The following WWOX variants were observed in gnomAD, a reference collection of about 807,000 sequenced individuals.
WWOX encodes the protein WW domain containing oxidoreductase, also known as WW domain-containing oxidoreductase.
In WWOX, 69 loss-of-function variants were observed where a neutral mutation model predicts 46.2. The observed-to-expected ratio is 1.49, with a 90% CI of 1.23 to 1.82. The LOEUF is 1.82. WWOX is among the 40% of genes most tolerant of loss of function. The pLI is 0.00. For missense variants in WWOX, 919 were observed against 542.6 expected, an observed-to-expected ratio of 1.69 and a Z score of -6.89; for synonymous variants, 359 against 202.6, an observed-to-expected ratio of 1.77 and a Z score of -6.56.
chr16:78,832,265 T>A (rs1031863608), intron 8 of WWOX, among the ~76,000 whole-genome samples: 2 of 152,130 alleles, frequency 1.3e-5, no homozygotes, highest in African/African-American at 2.4e-5. Flanking sequence ...GGCCTCTCTG[T>A]ACAGCTTCAG....
At chr16:78,963,081 A>C (rs1297454804) in intron 8 of WWOX, among the ~76,000 whole-genome samples, 1 of 152,150 alleles carries the variant, frequency 6.6e-6, no homozygotes, top group Admixed American at 6.5e-5. Context: ...GATATGCACC[A>C]CCTAGATTCT....
chr16:78,486,779 G>A (rs139431746), intron 8 of WWOX, among the ~76,000 whole-genome samples: 6 of 152,082 alleles, frequency 3.9e-5, no homozygotes, highest in African/African-American at 9.7e-5. Context: ...TTACTGTCTT[G>A]GCCAGGCTGG....
intron 8 of WWOX, among the ~76,000 whole-genome samples, chr16:79,127,580 A>G (rs1310657221): frequency 6.6e-6 from 1 of 152,220 alleles, no homozygotes; most frequent in Non-Finnish European, 1.5e-5. Context: ...GTAACCTTGC[A>G]CCGACATCGC....
At position 78,229,515 on chromosome 16, in the gene WWOX, G is replaced by GAGATATAT. The variant is rs1555506149; in HGVS notation, c.516+65227_516+65228insGATATATA. On this transcript the variant is annotated intron_variant, in intron 5 of 8. Transcript: ENST00000566780. ...ATATATTTATCTATATCTATATAGA[G>GAGATATAT]ATATATATATATATATAAAATAATG... Among the ~76,000 whole-genome samples the GAGATATAT allele has an allele frequency of 6.2e-5, 5 of 80,450 alleles. No individual in the cohort carries two copies. The South Asian group carries it at 2.0e-3, about 32-fold the overall frequency. 52.8% of individuals were successfully genotyped at this position (80,450 alleles called of 152,430 possible).
At chr16:78,392,530 G>C (rs1431577264) in intron 6 of WWOX, among the ~76,000 whole-genome samples, 2 of 152,092 alleles carry the variant, frequency 1.3e-5, no homozygotes, top group Non-Finnish European at 1.5e-5. Flanking sequence ...CCACTCCTTT[G>C]AGTCTATGGA....
intron 8 of WWOX, among the ~76,000 whole-genome samples, chr16:78,442,483 C>G (rs1432139542): frequency 6.6e-6 from 1 of 152,158 alleles, no homozygotes; most frequent in South Asian, 2.1e-4. Context: ...GGGAACTGCC[C>G]TCTACTCTCT....
chr16:78,245,193 A>G (rs767487176), intron 5 of WWOX, among the ~76,000 whole-genome samples: 13 of 152,196 alleles, frequency 8.5e-5, no homozygotes, highest in Non-Finnish European at 1.2e-4. Context: ...GCATGCCTCC[A>G]GGTTGTTCTA....
intron 8 of WWOX, among the ~76,000 whole-genome samples, chr16:79,019,073 G>A (rs901554023): frequency 4.9e-5 from 7 of 143,510 alleles, no homozygotes; most frequent in East Asian, 2.1e-4. Flanking sequence ...AAGGAGGATC[G>A]CTTGAACCTA....
intron 8 of WWOX, among the ~76,000 whole-genome samples, chr16:78,818,977 C>G (rs1013657533): frequency 6.6e-6 from 1 of 152,190 alleles, no homozygotes; most frequent in African/African-American, 2.4e-5. Flanking sequence ...GCCACTTAAT[C>G]TCTCTAATCC....
In WWOX at chr16:78,174,239, C is replaced by T. The variant is rs546799476; in HGVS notation, c.516+9950C>T. On this transcript the variant is annotated intron_variant, in intron 5 of 8. Transcript: ENST00000566780. Reference sequence around the variant, plus strand: ...GAGGCTTCAGAATCATGGTAGGAGGCGAAAGGCACTTCTTATATGGTGTCA... The same window carrying T: ...GAGGCTTCAGAATCATGGTAGGAGGTGAAAGGCACTTCTTATATGGTGTCA... Among the ~76,000 whole-genome samples the T allele has an allele frequency of 2.5e-3, 382 of 152,162 alleles. 1 individual carries two copies. The highest frequency in any genetic ancestry group is 3.9e-3 in the Non-Finnish European group (264 of 68,016).
At chr16:78,811,060 A>G (rs2051175628) in intron 8 of WWOX, among the ~76,000 whole-genome samples, 1 of 152,190 alleles carries the variant, frequency 6.6e-6, no homozygotes, top group Non-Finnish European at 1.5e-5. Context: ...AGGGACAGGA[A>G]AGCAGTGTGC....
intron 6 of WWOX, among the ~76,000 whole-genome samples, chr16:78,393,568 C>T (rs1363182316): frequency 2.0e-5 from 3 of 152,072 alleles, no homozygotes; most frequent in African/African-American, 4.8e-5. Context: ...AATTGCAATC[C>T]TGGAACTTAA....
At chr16:78,888,795 C>T (rs898223729) in intron 8 of WWOX, among the ~76,000 whole-genome samples, 1 of 146,588 alleles carries the variant, frequency 6.8e-6, no homozygotes, top group Non-Finnish European at 1.5e-5. Flanking sequence ...TGGTACAGTT[C>T]TAAGAGGATA....
At chr16:78,364,089 C>A (rs2081476541) in intron 5 of WWOX, among the ~76,000 whole-genome samples, 1 of 152,332 alleles carries the variant, frequency 6.6e-6, no homozygotes, top group Admixed American at 6.5e-5. Context: ...TCCTTCAGAG[C>A]TAGTGACCTT....
At chr16:78,738,697 A>G (rs2049145091) in intron 8 of WWOX, among the ~76,000 whole-genome samples, 1 of 152,084 alleles carries the variant, frequency 6.6e-6, no homozygotes, top group African/African-American at 2.4e-5. Context: ...AATGTGTAGG[A>G]GACGGGTCGG....
chr16:78,890,646 C>T (rs1371844802), intron 8 of WWOX: 1 of 152,198 alleles, frequency 6.6e-6, no homozygotes, highest in African/African-American at 2.4e-5. Context: ...CTCACTCAGC[C>T]AGTATTTTCC....
chr16:79,042,618 A>T (rs1029898930), intron 8 of WWOX, among the ~76,000 whole-genome samples: 1 of 152,196 alleles, frequency 6.6e-6, no homozygotes. Flanking sequence ...TATACATGCA[A>T]GCTGTTGGGC....
At chr16:79,069,450 C>T (rs1006433246) in intron 8 of WWOX, among the ~76,000 whole-genome samples, 4 of 152,056 alleles carry the variant, frequency 2.6e-5, no homozygotes, top group Non-Finnish European at 5.9e-5. Context: ...CTGTCTTGTT[C>T]ACACGTTACT....
chr16:78,935,256 A>G (rs1017045153), intron 8 of WWOX, among the ~76,000 whole-genome samples: 2 of 152,214 alleles, frequency 1.3e-5, no homozygotes, highest in African/African-American at 2.4e-5. Context: ...ATTACTGGGT[A>G]TATACCCAAA....
Sources: allele counts gnomAD v4.1 joint callset (sites outside exome capture counted in the v4.1 genomes callset), GRCh38; gene constraint gnomAD v4.1.1; transcripts MANE v1.5; gene names NCBI Gene and HGNC (gene_info 2026-07-23, HGNC 2026-07-21).